PDZRN3: variants seen among roughly 807,000 people sequenced by gnomAD.
PDZRN3 encodes PDZ domain containing ring finger 3, also known as E3 ubiquitin-protein ligase PDZRN3.
A neutral mutation model predicts 85.7 loss-of-function variants in PDZRN3; 38 were observed. That is an observed-to-expected ratio of 0.44 (90% confidence interval 0.34 to 0.58). The LOEUF (loss-of-function observed/expected upper bound fraction) is 0.58, where lower values mean the gene tolerates loss of function less well. Among genes scored for constraint, PDZRN3 ranks in the 20% least tolerant of loss-of-function variants. The pLI is 0.01. For missense variants in PDZRN3, 1,629 were observed against 1,506.4 expected, an observed-to-expected ratio of 1.08 and a Z score of -1.35; for synonymous variants, 759 against 638.0, an observed-to-expected ratio of 1.19 and a Z score of -2.86.
chr3:73,517,810 A>C (rs1704281653), intron 3 of PDZRN3, among the ~76,000 whole-genome samples: 1 of 152,230 alleles, frequency 6.6e-6, no homozygotes, highest in Non-Finnish European at 1.5e-5. Flanking sequence ...AATGGTTAAG[A>C]CAAAAACAGC....
intron 3 of PDZRN3, among the ~76,000 whole-genome samples, chr3:73,545,152 C>T (rs1031337071): frequency 6.6e-6 from 1 of 152,188 alleles, no homozygotes; most frequent in Non-Finnish European, 1.5e-5. Context: ...AAGCGCCTGG[C>T]GTCTCCTGAC....
At chr3:73,453,473 A>T (rs900425808) in intron 3 of PDZRN3, among the ~76,000 whole-genome samples, 6 of 151,296 alleles carry the variant, frequency 4.0e-5, no homozygotes, top group Admixed American at 2.0e-4. Flanking sequence ...TAATTCCTGA[A>T]CAGTCCACAG....
chr3:73,554,879 C>T (rs1251813538), intron 3 of PDZRN3, among the ~76,000 whole-genome samples: 1 of 152,208 alleles, frequency 6.6e-6, no homozygotes, highest in Non-Finnish European at 1.5e-5. Flanking sequence ...CAATTCTGTT[C>T]TAGGTGACTT....
At position 73,624,931 on chromosome 3, in the gene PDZRN3, C is replaced by G; in HGVS notation, c.-106G>C. 1 of 842,346 alleles carries G rather than the reference C, an allele frequency of 1.2e-6. No homozygotes were observed. Among genetic ancestry groups the G allele is most frequent in the South Asian group, 5.1e-5 (1 of 19,596 alleles). 52.2% of individuals were successfully genotyped at this position (842,346 alleles called of 1,614,324 possible). On this transcript the variant is annotated 5_prime_UTR_variant, in exon 1 of 10. Coordinates refer to ENST00000263666, the MANE Select transcript of PDZRN3 (RefSeq NM_015009.3). ...TACGCCGCCCGCGCGCTCGCTGGCT[C>G]TCCCCGGACTGAGCCTAATTGATCC...
In PDZRN3 at chr3:73,410,195, C is replaced by CT. The variant is rs1173106941; in HGVS notation, c.919-5801dup. On this transcript the variant is annotated intron_variant, in intron 3 of 9. Transcript: ENST00000263666. ...TGATTTAGGTTGGATAAAAAAAAGT[C>CT]TTTTTTTCATTTAGGCAACTCCTGT... is the stretch of plus-strand genomic sequence containing the variant. 2.6e-5 allele frequency among the ~76,000 whole-genome samples: 4 copies of CT among 152,188 alleles called. No individual in the cohort carries two copies. The East Asian group carries it at 5.8e-4, about 22-fold the overall frequency.
intron 3 of PDZRN3, chr3:73,474,661 A>G (rs1310047800): frequency 8.8e-7 from 1 of 1,137,350 alleles, no homozygotes; most frequent in Non-Finnish European, 1.1e-6. Flanking sequence ...TACACTTTTA[A>G]GATCACAGAA....
At chr3:73,476,039 T>C (rs1703441778) in intron 3 of PDZRN3, among the ~76,000 whole-genome samples, 1 of 152,196 alleles carries the variant, frequency 6.6e-6, no homozygotes, top group African/African-American at 2.4e-5. Flanking sequence ...GAATGTGATT[T>C]AACATTCTTA....
chr3:73,452,661 T>C (rs955326255), intron 3 of PDZRN3, among the ~76,000 whole-genome samples: 7 of 152,194 alleles, frequency 4.6e-5, no homozygotes, highest in African/African-American at 1.2e-4. Flanking sequence ...TTAAAGCATA[T>C]GCATCTCCTT....
chr3:73,498,169 C>T (rs1189844621), intron 3 of PDZRN3, among the ~76,000 whole-genome samples: 1 of 152,144 alleles, frequency 6.6e-6, no homozygotes, highest in African/African-American at 2.4e-5. Flanking sequence ...GTCATCAATC[C>T]CTGTCACTCC....
intron 3 of PDZRN3, among the ~76,000 whole-genome samples, chr3:73,483,227 T>A (rs1282204086): frequency 6.6e-6 from 1 of 152,222 alleles, no homozygotes; most frequent in Non-Finnish European, 1.5e-5. Context: ...AGGCTTCATT[T>A]TGAAGCAATT....
At chr3:73,623,988 G>A (rs1209102317) in intron 1 of PDZRN3, 115 bp downstream of exon 1, 2 of 1,049,464 alleles carry the variant, frequency 1.9e-6, no homozygotes, top group Non-Finnish European at 2.6e-6. Context: ...AGAAGAGGGA[G>A]GAAGCAAGGA....
chr3:73,611,173 G>C (rs1484597468), intron 1 of PDZRN3, among the ~76,000 whole-genome samples: 3 of 152,156 alleles, frequency 2.0e-5, no homozygotes, highest in African/African-American at 7.2e-5. Flanking sequence ...TCCTGTTCAA[G>C]ATGGTTTTAT....
intron 3 of PDZRN3, among the ~76,000 whole-genome samples, chr3:73,551,915 G>C (rs1701568273): frequency 1.3e-5 from 2 of 152,068 alleles, no homozygotes; most frequent in African/African-American, 4.8e-5. Context: ...CCTGTGAAAA[G>C]CCTGAGGTCT....
At chr3:73,412,182 T>C (rs888112512) in intron 3 of PDZRN3, among the ~76,000 whole-genome samples, 16 of 152,322 alleles carry the variant, frequency 1.1e-4, no homozygotes, top group Middle Eastern at 3.4e-3. Context: ...AGCCACAAAT[T>C]GAAGGAGGAA....
At chr3:73,429,472 CA>C (rs1238782148) in intron 3 of PDZRN3, among the ~76,000 whole-genome samples, 1 of 152,198 alleles carries the variant, frequency 6.6e-6, no homozygotes. Context: ...TGCTCTACAG[CA>C]GTAAACTCAT....
intron 3 of PDZRN3, among the ~76,000 whole-genome samples, chr3:73,503,910 T>C (rs1183374218): frequency 1.3e-5 from 2 of 152,206 alleles, no homozygotes; most frequent in African/African-American, 4.8e-5. Flanking sequence ...TAAACAGATG[T>C]GTTTTTGTAT....
chr3:73,452,839 C>CTATGTG (rs1553690746), intron 3 of PDZRN3, among the ~76,000 whole-genome samples: 7 of 140,720 alleles, frequency 5.0e-5, no homozygotes, highest in African/African-American at 1.9e-4. Context: ...GTCCATATAT[C>CTATGTG]TGTGTGTGTG....
chr3:73,593,059 T>C (rs528941898), intron 3 of PDZRN3, among the ~76,000 whole-genome samples: 1 of 151,484 alleles, frequency 6.6e-6, no homozygotes, highest in African/African-American at 2.4e-5. Flanking sequence ...GCTCTTTTTG[T>C]GTTACAGCAA....
intron 3 of PDZRN3, among the ~76,000 whole-genome samples, chr3:73,484,629 A>G (rs922472673): frequency 7.2e-5 from 11 of 152,338 alleles, no homozygotes; most frequent in African/African-American, 2.6e-4. Flanking sequence ...ATTAAAGGAT[A>G]AGAGAGAAAT....
Sources: allele counts gnomAD v4.1 joint callset (sites outside exome capture counted in the v4.1 genomes callset), GRCh38; gene constraint gnomAD v4.1.1; transcripts MANE v1.5; gene names NCBI Gene and HGNC (gene_info 2026-07-23, HGNC 2026-07-21).